The following SPMIP2 variants were observed in gnomAD, a reference collection of about 807,000 sequenced individuals.
SPMIP2 encodes the protein protein SPMIP2.
chr4:158,968,620 G>T, the SPMIP2 span, among the ~76,000 whole-genome samples: 1 of 152,102 alleles, frequency 6.6e-6, no homozygotes, highest in Admixed American at 6.5e-5. Flanking sequence ...TGAAATCTTG[G>T]CTCTACTATT....
At chr4:159,074,874 A>G in the SPMIP2 span, among the ~76,000 whole-genome samples, 9 of 152,186 alleles carry the variant, frequency 5.9e-5, no homozygotes, top group Non-Finnish European at 1.2e-4. Context: ...GAGCTTAATA[A>G]AGAGACTATT....
At chr4:159,054,825 C>T in the SPMIP2 span, among the ~76,000 whole-genome samples, 1 of 150,502 alleles carries the variant, frequency 6.6e-6, no homozygotes, top group East Asian at 2.0e-4. Context: ...TCCCACCCTG[C>T]CCCTTGCCAC....
chr4:159,039,416 C>A, the SPMIP2 span, among the ~76,000 whole-genome samples: 1 of 152,098 alleles, frequency 6.6e-6, no homozygotes, highest in Admixed American at 6.5e-5. Flanking sequence ...AGAGGAGACA[C>A]ATTTGGAGTG....
chr4:159,002,779 C>G, the SPMIP2 span, among the ~76,000 whole-genome samples: 1 of 151,976 alleles, frequency 6.6e-6, no homozygotes, highest in South Asian at 2.1e-4. Flanking sequence ...CACACACACA[C>G]ACACACACAC....
chr4:158,998,661 G>A, the SPMIP2 span, among the ~76,000 whole-genome samples: 1 of 152,154 alleles, frequency 6.6e-6, no homozygotes, highest in Non-Finnish European at 1.5e-5. Context: ...AAGTGGGGAA[G>A]ACACTAAATT....
chr4:158,931,311 A>G, the SPMIP2 span, among the ~76,000 whole-genome samples: 2 of 152,162 alleles, frequency 1.3e-5, no homozygotes, highest in Non-Finnish European at 2.9e-5. Context: ...ATGCAGTGGC[A>G]TGATCTCGGC....
At chr4:158,992,838 AG>A in the SPMIP2 span, among the ~76,000 whole-genome samples, 1 of 152,156 alleles carries the variant, frequency 6.6e-6, no homozygotes, top group Non-Finnish European at 1.5e-5. Context: ...TTCATGAGGG[AG>A]GAGCCCTCAT....
the SPMIP2 span, among the ~76,000 whole-genome samples, chr4:159,075,449 A>G: frequency 6.6e-6 from 1 of 152,182 alleles, no homozygotes; most frequent in East Asian, 1.9e-4. Flanking sequence ...ATACCACTGC[A>G]TTGTATTGGA....
At chr4:158,997,132 T>A in the SPMIP2 span, among the ~76,000 whole-genome samples, 1 of 152,182 alleles carries the variant, frequency 6.6e-6, no homozygotes, top group African/African-American at 2.4e-5. Flanking sequence ...TAAGACCACA[T>A]GAAATTATTT....
At chr4:158,971,445 C>T in the SPMIP2 span, among the ~76,000 whole-genome samples, 1 of 152,188 alleles carries the variant, frequency 6.6e-6, no homozygotes, top group African/African-American at 2.4e-5. Flanking sequence ...TTGGAATATG[C>T]TGTAAGAGAC....
At chr4:159,011,686 G>T in the SPMIP2 span, among the ~76,000 whole-genome samples, 11 of 151,222 alleles carry the variant, frequency 7.3e-5, no homozygotes, top group South Asian at 2.3e-3. Context: ...CCTGGGAGGC[G>T]GAGGTTGTGT....
At chr4:159,014,924 T>A in the SPMIP2 span, among the ~76,000 whole-genome samples, 4 of 152,240 alleles carry the variant, frequency 2.6e-5, no homozygotes, top group Non-Finnish European at 5.9e-5. Flanking sequence ...GGGCCACTGG[T>A]TGGACAAGCT....
the SPMIP2 span, among the ~76,000 whole-genome samples, chr4:159,030,494 T>G: frequency 6.6e-6 from 1 of 150,978 alleles, no homozygotes; most frequent in Non-Finnish European, 1.5e-5. Flanking sequence ...TTTATTTATT[T>G]ATTTATTTAT....
At chr4:159,020,265 A>C in the SPMIP2 span, among the ~76,000 whole-genome samples, 1 of 152,176 alleles carries the variant, frequency 6.6e-6, no homozygotes, top group African/African-American at 2.4e-5. Context: ...AAGAGAAAGA[A>C]GCTATGGAGA....
At chr4:159,067,601 GA>G in the SPMIP2 span, among the ~76,000 whole-genome samples, 2 of 152,102 alleles carry the variant, frequency 1.3e-5, no homozygotes, top group East Asian at 1.9e-4. Flanking sequence ...ATTAGAAAAA[GA>G]AGACTTCATG....
At chr4:158,981,319 A>T in the SPMIP2 span, among the ~76,000 whole-genome samples, 2 of 152,326 alleles carry the variant, frequency 1.3e-5, no homozygotes, top group Admixed American at 1.3e-4. Context: ...CAAACTAGCA[A>T]GACAGGCCAA....
chr4:159,047,967 G>A, the SPMIP2 span, among the ~76,000 whole-genome samples: 2 of 152,220 alleles, frequency 1.3e-5, no homozygotes, highest in Non-Finnish European at 2.9e-5. Context: ...CACAAAGAGG[G>A]AAAATAAAAG....
At chr4:159,022,035 C>T in the SPMIP2 span, among the ~76,000 whole-genome samples, 1 of 152,288 alleles carries the variant, frequency 6.6e-6, no homozygotes, top group South Asian at 2.1e-4. Context: ...ACATGATGAG[C>T]ATGCCTACTT....
the SPMIP2 span, among the ~76,000 whole-genome samples, chr4:158,922,778 A>G: frequency 6.6e-6 from 1 of 152,180 alleles, no homozygotes; most frequent in African/African-American, 2.4e-5. Flanking sequence ...GCCCCTAGCA[A>G]TTTCTATCTG....
Sources: allele counts gnomAD v4.1 joint callset (sites outside exome capture counted in the v4.1 genomes callset), GRCh38; gene constraint gnomAD v4.1.1; transcripts MANE v1.5; gene names NCBI Gene and HGNC (gene_info 2026-07-23, HGNC 2026-07-21).